The following PRKCA variants were observed in gnomAD, a reference collection of about 807,000 sequenced individuals.
The protein encoded by PRKCA is protein kinase C alpha.
PRKCA carries 27 observed loss-of-function variants against 87.0 expected under a neutral mutation model. The ratio of observed to expected loss-of-function variants is 0.31; its 90% CI spans 0.23 to 0.43. PRKCA has a LOEUF of 0.43. PRKCA is among the 20% of genes least tolerant of loss of function. The probability of loss-of-function intolerance (pLI) is 1.00; values close to 1 mark genes in which losing one functional copy is unlikely to be tolerated. For synonymous variants in PRKCA, 329 were observed against 311.1 expected (o/e 1.06, Z -0.61); for missense variants, 518 against 852.3 (o/e 0.61, Z 4.88).
chr17:66,726,364 C>T (rs1458460526), intron 8 of PRKCA, among the ~76,000 whole-genome samples: 2 of 152,176 alleles, frequency 1.3e-5, no homozygotes, highest in Non-Finnish European at 2.9e-5. Context: ...CAAAAGGAGG[C>T]ACTTGAGTTG....
intron 3 of PRKCA, among the ~76,000 whole-genome samples, chr17:66,618,553 A>T (rs1264335408): frequency 6.6e-6 from 1 of 152,178 alleles, no homozygotes. Context: ...TTATGATTTT[A>T]AAAAACTTTA....
rs190742551 is a variant in PRKCA, at chr17:66,497,761, C to T, written c.288+1478C>T. ...AACTTTAATTTGAAAGTGGCTATCT[C>T]AGTGCAGGCAAGACTAAATTCTTCC... On this transcript the variant is annotated intron_variant, in intron 3 of 16. Transcript: ENST00000413366. 2.6e-3 allele frequency among the ~76,000 whole-genome samples: 402 copies of T among 152,282 alleles called. 2 individuals are homozygous for T. The highest frequency in any genetic ancestry group is 9.3e-3 in the African/African-American group (385 of 41,568).
intron 14 of PRKCA, among the ~76,000 whole-genome samples, chr17:66,785,197 G>C (rs2144371843): frequency 6.6e-6 from 1 of 152,278 alleles, no homozygotes; most frequent in African/African-American, 2.4e-5. Flanking sequence ...CTGGGCAGGG[G>C]ACTGAGGTCA....
chr17:66,347,323 G>C (rs1046880844), intron 2 of PRKCA, among the ~76,000 whole-genome samples: 2 of 152,116 alleles, frequency 1.3e-5, no homozygotes, highest in Non-Finnish European at 2.9e-5. Flanking sequence ...TCAATCTGTT[G>C]TGATATGTTT....
chr17:66,779,579 G>T (rs1482393501), intron 14 of PRKCA, among the ~76,000 whole-genome samples: 1 of 152,126 alleles, frequency 6.6e-6, no homozygotes, highest in Non-Finnish European at 1.5e-5. Context: ...AGGTTTCCGT[G>T]ATTTGCAAAT....
intron 2 of PRKCA, among the ~76,000 whole-genome samples, chr17:66,469,321 T>C (rs1442492791): frequency 6.6e-6 from 1 of 152,204 alleles, no homozygotes; most frequent in Non-Finnish European, 1.5e-5. Context: ...TGATTATTTG[T>C]TTAGTGTAGG....
At chr17:66,747,547 C>T (rs979258759) in intron 13 of PRKCA, among the ~76,000 whole-genome samples, 10 of 152,234 alleles carry the variant, frequency 6.6e-5, no homozygotes, top group African/African-American at 2.4e-4. Context: ...AGTTCAGTGA[C>T]TTGCCCAAGG....
chr17:66,527,524 A>G (rs1388372944), intron 3 of PRKCA, among the ~76,000 whole-genome samples: 1 of 152,176 alleles, frequency 6.6e-6, no homozygotes, highest in Non-Finnish European at 1.5e-5. Flanking sequence ...CTGAAAGACA[A>G]TCTGATTGTG....
intron 2 of PRKCA, among the ~76,000 whole-genome samples, chr17:66,393,475 A>G (rs1368086198): frequency 6.6e-6 from 1 of 151,770 alleles, no homozygotes; most frequent in Non-Finnish European, 1.5e-5. Flanking sequence ...TAACCAAAAC[A>G]CTCCCCAAAT....
At position 66,789,766 on chromosome 17, in the gene PRKCA, C is replaced by T. The variant is rs370954287; in HGVS notation, c.1854+787C>T. ...TCTTTGTCCTCACCTACTGCACCAT[C>T]GCTCCATCTCAGCAACTGCCCTGAC... is the stretch of plus-strand genomic sequence containing the variant. On this transcript the variant is annotated intron_variant, in intron 16 of 16. Transcript: ENST00000413366. Among the ~76,000 whole-genome samples the T allele has an allele frequency of 1.1e-4, 16 of 152,210 alleles. No individual in the cohort carries two copies. In the East Asian group the frequency reaches 1.5e-3, roughly 15 times the overall value.
intron 5 of PRKCA, among the ~76,000 whole-genome samples, chr17:66,670,659 G>T (rs1027864883): frequency 2.0e-5 from 3 of 151,940 alleles, no homozygotes; most frequent in Admixed American, 6.6e-5. Flanking sequence ...CCCAGGAATT[G>T]AAGATGGGCC....
intron 2 of PRKCA, among the ~76,000 whole-genome samples, chr17:66,394,249 G>C (rs931524804): frequency 2.6e-5 from 4 of 152,210 alleles, no homozygotes; most frequent in Admixed American, 1.3e-4. Context: ...AAGCTTAGCT[G>C]TCCCAGGCCA....
intron 2 of PRKCA, among the ~76,000 whole-genome samples, chr17:66,452,910 A>G (rs1409528920): frequency 6.6e-6 from 1 of 152,194 alleles, no homozygotes; most frequent in Non-Finnish European, 1.5e-5. Flanking sequence ...ACTAGAAATT[A>G]TGAGGTTTAT....
chr17:66,661,522 T>G (rs549588580), intron 5 of PRKCA, among the ~76,000 whole-genome samples: 1 of 152,332 alleles, frequency 6.6e-6, no homozygotes, highest in African/African-American at 2.4e-5. Flanking sequence ...TGGCTGAGCT[T>G]ATGTCCAAAA....
In PRKCA at chr17:66,732,853, A is replaced by G. The variant is rs767158336; in HGVS notation, c.1056+28A>G. On this transcript the variant is annotated intron_variant, in intron 9 of 16. Coordinates refer to ENST00000413366, the MANE Select transcript of PRKCA (RefSeq NM_002737.3). ...AAGAGGACAGTCGTCTGCAAATTGC[A>G]GGGGCTTCTGCAGAGAATGTCGAAT... 3.1e-6 allele frequency: 5 copies of G among 1,604,804 alleles called. No homozygotes were observed. In the African/African-American group the frequency reaches 4.0e-5, roughly 13 times the overall value.
chr17:66,646,238 CGGGGCTGTTTCT>C (rs965639677), intron 5 of PRKCA, among the ~76,000 whole-genome samples: 22 of 152,286 alleles, frequency 1.4e-4, no homozygotes, highest in African/African-American at 5.1e-4. Flanking sequence ...ACTCCCTCCT[CGGGGCTGTTTCT>C]GGGTGGGCTC....
intron 2 of PRKCA, among the ~76,000 whole-genome samples, chr17:66,446,991 T>A (rs1914067268): frequency 6.6e-6 from 1 of 152,200 alleles, no homozygotes; most frequent in African/African-American, 2.4e-5. Flanking sequence ...TTCAAATCCC[T>A]TTTCACACCT....
intron 2 of PRKCA, among the ~76,000 whole-genome samples, chr17:66,323,539 C>T (rs950134007): frequency 1.3e-5 from 2 of 152,194 alleles, no homozygotes; most frequent in African/African-American, 4.8e-5. Flanking sequence ...AGAGGTTTCT[C>T]TAAATGTATT....
At chr17:66,438,270 T>G (rs960803913) in intron 2 of PRKCA, among the ~76,000 whole-genome samples, 2 of 152,152 alleles carry the variant, frequency 1.3e-5, no homozygotes, top group African/African-American at 4.8e-5. Flanking sequence ...TTTCAGTTCC[T>G]CTATCAGCAA....
Sources: allele counts gnomAD v4.1 joint callset (sites outside exome capture counted in the v4.1 genomes callset), GRCh38; gene constraint gnomAD v4.1.1; transcripts MANE v1.5; gene names NCBI Gene and HGNC (gene_info 2026-07-23, HGNC 2026-07-21).